SAMD3: variants seen among roughly 807,000 people sequenced by gnomAD.
SAMD3 encodes sterile alpha motif domain containing 3, also known as sterile alpha motif domain-containing protein 3.
A neutral mutation model predicts 58.5 loss-of-function variants in SAMD3; 63 were observed. The ratio of observed to expected loss-of-function variants is 1.08; its 90% confidence interval spans 0.88 to 1.33. The LOEUF is 1.33. Ranked by LOEUF, SAMD3 falls within the 40% of genes most tolerant of loss-of-function variation. The pLI, the probability that SAMD3 is intolerant of heterozygous loss-of-function variation, is 0.00. For synonymous variants in SAMD3, 220 were observed against 210.3 expected (o/e 1.05, Z -0.40); for missense variants, 604 against 608.4 (o/e 0.99, Z 0.08).
At position 130,184,085 on chromosome 6, in the gene SAMD3, T is replaced by G. The variant is rs775190721; in HGVS notation, c.654+18A>C. 1.3e-6 allele frequency: 2 copies of G among 1,599,650 alleles called. No homozygotes were observed. Among genetic ancestry groups the G allele is most frequent in the Admixed American group, 3.3e-5 (2 of 59,976 alleles). On this transcript the variant is annotated intron_variant, in intron 7 of 11. Transcript: ENST00000439090. ...AGATAGTCTGAAATTAACAGGATGG[T>G]GCCATGTGGTCACTTACGAAGCCAC...
At chr6:130,151,255 A>C (rs530623890) in intron 9 of SAMD3, among the ~76,000 whole-genome samples, 1 of 19,320 alleles carries the variant, frequency 5.2e-5, no homozygotes, top group Non-Finnish European at 1.5e-4. Flanking sequence ...ACTGAGGCAC[A>C]TCTTATGTCT....
At chr6:130,331,365 C>A (rs920340753) in intron 1 of SAMD3, among the ~76,000 whole-genome samples, 11 of 152,012 alleles carry the variant, frequency 7.2e-5, no homozygotes, top group Non-Finnish European at 1.6e-4. Context: ...TTCAAGAGAA[C>A]TTACTTTAAA....
intron 1 of SAMD3, among the ~76,000 whole-genome samples, chr6:130,363,389 A>T (rs1778040916): frequency 6.6e-6 from 1 of 152,224 alleles, no homozygotes; most frequent in South Asian, 2.1e-4. Flanking sequence ...TTAAATATGA[A>T]TTGCCATCCA....
chr6:130,157,421 C>T (rs1293183689), intron 8 of SAMD3, among the ~76,000 whole-genome samples: 1 of 152,080 alleles, frequency 6.6e-6, no homozygotes, highest in South Asian at 2.1e-4. Flanking sequence ...TCAGTGCAGC[C>T]TCAAACTTCC....
At chr6:130,310,840 G>T (rs2127023) in intron 2 of SAMD3, among the ~76,000 whole-genome samples, 27,754 of 152,146 alleles carry the variant, frequency 0.18, 2,699 homozygotes, top group East Asian at 0.36. Flanking sequence ...CTGCAGAGAA[G>T]AAATGGATCC....
intron 5 of SAMD3, among the ~76,000 whole-genome samples, chr6:130,207,420 G>A (rs1582926199): frequency 6.6e-6 from 1 of 152,062 alleles, no homozygotes; most frequent in Non-Finnish European, 1.5e-5. Context: ...TTTCCATTTT[G>A]CAGATGAGGA....
intron 2 of SAMD3, among the ~76,000 whole-genome samples, chr6:130,254,025 C>T (rs1773838250): frequency 6.6e-6 from 1 of 151,986 alleles, no homozygotes; most frequent in Admixed American, 6.6e-5. Flanking sequence ...CAAAGTCTCA[C>T]TCCTGTCACC....
chr6:130,215,701 A>G, intron 2 of SAMD3: 1 of 1,454,498 alleles, frequency 6.9e-7, no homozygotes, highest in Non-Finnish European at 9.1e-7. Context: ...TGACATTTAC[A>G]GAAGGGGTGG....
At chr6:130,346,543 C>T (rs1342279593) in intron 1 of SAMD3, among the ~76,000 whole-genome samples, 1 of 152,140 alleles carries the variant, frequency 6.6e-6, no homozygotes, top group Non-Finnish European at 1.5e-5. Flanking sequence ...GGCCATTGCC[C>T]CATTGCTGAG....
chr6:130,283,343 T>C (rs1014592194), intron 2 of SAMD3, among the ~76,000 whole-genome samples: 1 of 152,186 alleles, frequency 6.6e-6, no homozygotes, highest in African/African-American at 2.4e-5. Context: ...GTTGAGGTAA[T>C]GGCTGAGAGT....
chr6:130,184,278 C>T (rs2114707816), intron 6 of SAMD3, 91 bp from the exon 7 acceptor site: 6 of 1,241,062 alleles, frequency 4.8e-6, no homozygotes, highest in East Asian at 2.4e-5. Flanking sequence ...TTTTTCTTCA[C>T]ATTTTTCTAT....
At chr6:130,213,336 A>G (rs1795735967) in intron 4 of SAMD3, among the ~76,000 whole-genome samples, 1 of 151,608 alleles carries the variant, frequency 6.6e-6, no homozygotes, top group South Asian at 2.1e-4. Context: ...AAAAAAAATC[A>G]ATTAGTAGAA....
intron 7 of SAMD3, chr6:130,183,283 G>A (rs1175884777): frequency 2.3e-6 from 1 of 428,582 alleles, no homozygotes; most frequent in East Asian, 7.1e-5. Flanking sequence ...GTTGCAGTGA[G>A]CTGAGATCGC....
chr6:130,159,840 AACAG>A (rs1403181516), intron 8 of SAMD3: 1 of 152,222 alleles, frequency 6.6e-6, no homozygotes. Context: ...AAAAGACATG[AACAG>A]ACACTTTACA....
chr6:130,217,754 T>A (rs1023819186), intron 1 of SAMD3, among the ~76,000 whole-genome samples: 1 of 152,220 alleles, frequency 6.6e-6, no homozygotes, highest in Non-Finnish European at 1.5e-5. Context: ...AAACTTTTTG[T>A]CATCTTTCTT....
At chr6:130,232,618 G>A (rs986473888) in intron 2 of SAMD3, among the ~76,000 whole-genome samples, 2 of 152,136 alleles carry the variant, frequency 1.3e-5, no homozygotes, top group Admixed American at 1.3e-4. Context: ...TCTACATGTT[G>A]GTTTTCCTCC....
chr6:130,230,582 T>C (rs1360701933), intron 2 of SAMD3, among the ~76,000 whole-genome samples: 10 of 152,052 alleles, frequency 6.6e-5, no homozygotes, highest in Admixed American at 6.6e-4. Flanking sequence ...AGAGACAGGT[T>C]TCACTATGTT....
At chr6:130,334,054 G>T in intron 1 of SAMD3, among the ~76,000 whole-genome samples, 1 of 152,070 alleles carries the variant, frequency 6.6e-6, no homozygotes, top group East Asian at 1.9e-4. Flanking sequence ...GACCTCAAAG[G>T]CACTGCTTTC....
intron 2 of SAMD3, among the ~76,000 whole-genome samples, chr6:130,231,210 C>A: frequency 6.6e-6 from 1 of 152,026 alleles, no homozygotes; most frequent in African/African-American, 2.4e-5. Flanking sequence ...ATATTTATTT[C>A]GTACTTCTGT....
Sources: gnomAD v4.1 joint callset for allele counts (sites outside exome capture counted in the v4.1 genomes callset) on GRCh38, gnomAD v4.1.1 for gene constraint, MANE v1.5 for transcripts, NCBI Gene and HGNC (gene_info 2026-07-23, HGNC 2026-07-21) for gene names.